VPS13C: variants seen among roughly 807,000 people sequenced by gnomAD.
VPS13C encodes vacuolar protein sorting 13 homolog C, also known as intermembrane lipid transfer protein VPS13C.
A neutral mutation model predicts 456.8 loss-of-function variants in VPS13C; 358 were observed. The observed-to-expected ratio is 0.78, with a 90% CI of 0.72 to 0.86. The LOEUF is 0.86. Among genes scored for constraint, VPS13C ranks in the 40% least tolerant of loss-of-function variants. The pLI is 0.00. For synonymous variants in VPS13C, 1,578 were observed against 1,486.7 expected (o/e 1.06, Z -1.41); for missense variants, 4,818 against 4,385.4 (o/e 1.10, Z -2.79).
In VPS13C at chr15:61,856,039, C is replaced by A. The variant is rs560303063; in HGVS notation, c.11076+247G>T. ...CCTATTTACTAATGCTTAATTCTAC[C>A]AAAAAGAAAATATCAGCATATGAGA... On this transcript the variant is annotated intron_variant, in intron 83 of 84. Transcript: ENST00000644861. 5.3e-4 allele frequency among the ~76,000 whole-genome samples: 81 copies of A among 151,668 alleles called. 1 individual carries two copies. In the South Asian group the frequency reaches 0.015, roughly 29 times the overall value.
At chr15:61,915,602 G>A in intron 61 of VPS13C, 31 bp downstream of exon 61, 3 of 1,537,316 alleles carry the variant, frequency 2.0e-6, no homozygotes, top group Non-Finnish European at 2.6e-6. Flanking sequence ...GAATTTATCT[G>A]CTTTAACTTA....
At chr15:61,928,971 A>C (rs566310021) in intron 51 of VPS13C, among the ~76,000 whole-genome samples, 1 of 152,274 alleles carries the variant, frequency 6.6e-6, no homozygotes, top group South Asian at 2.1e-4. Flanking sequence ...AAAATAAAGA[A>C]AATCACTGAT....
At chr15:61,895,166 A>C (rs779459480) in intron 66 of VPS13C, among the ~76,000 whole-genome samples, 1 of 152,194 alleles carries the variant, frequency 6.6e-6, no homozygotes, top group Non-Finnish European at 1.5e-5. Context: ...AAAACAAATG[A>C]AAATGGAAAC....
At chr15:62,059,596 G>T (rs191585534) in intron 1 of VPS13C, among the ~76,000 whole-genome samples, 148 of 152,336 alleles carry the variant, frequency 9.7e-4, no homozygotes, top group African/African-American at 3.4e-3. Context: ...GACGATGCTG[G>T]TCGAGGCTTG....
Position 62,007,386 on chromosome 15 carries a change from T to C in VPS13C, c.1212A>G (p.Leu404=). 1 of 1,613,180 alleles carries C rather than the reference T, an allele frequency of 6.2e-7. No homozygotes were observed. The highest frequency in any genetic ancestry group is 1.3e-5 in the African/African-American group (1 of 75,048). ...SWSNIKKHRQ[L]LKSYKIAYKN... ...TGTAGGCAATTTTATAACTCTTGAG[T>C]AACTGCCTGTGCTTTTTTATGTTAC... The change falls in exon 15 of 85, where the codon TTA becomes TTG. Residue 404 remains leucine (L), a synonymous_variant. Coordinates refer to ENST00000644861, the MANE Select transcript of VPS13C (RefSeq NM_020821.3).
chr15:61,871,768 T>C (rs538616536), intron 79 of VPS13C, among the ~76,000 whole-genome samples: 1 of 152,262 alleles, frequency 6.6e-6, no homozygotes, highest in African/African-American at 2.4e-5. Context: ...AGTTTATCTC[T>C]GGCCCTGCTA....
intron 31 of VPS13C, 122 bp from the exon 32 acceptor site, chr15:61,964,073 C>T (rs1162394743): frequency 1.8e-6 from 1 of 547,536 alleles, no homozygotes; most frequent in Non-Finnish European, 3.1e-6. Context: ...CATTCTCCAA[C>T]TCTTAAAGAT....
intron 8 of VPS13C, among the ~76,000 whole-genome samples, chr15:62,021,861 CCCTCAGTTG>C (rs1164762457): frequency 2.0e-5 from 3 of 151,814 alleles, no homozygotes; most frequent in African/African-American, 4.8e-5. Flanking sequence ...TTAAAGACAA[CCCTCAGTTG>C]CTAATGTACT....
chr15:61,879,026 T>C (rs1343470051), intron 73 of VPS13C, among the ~76,000 whole-genome samples: 1 of 152,084 alleles, frequency 6.6e-6, no homozygotes, highest in Admixed American at 6.6e-5. Flanking sequence ...CGACACACTT[T>C]ACAAAAATGG....
At chr15:61,998,190 C>A (rs535745269) in intron 16 of VPS13C, among the ~76,000 whole-genome samples, 24 of 152,280 alleles carry the variant, frequency 1.6e-4, no homozygotes, top group African/African-American at 4.8e-4. Flanking sequence ...CCTTAGATAT[C>A]TTTCTGGCTG....
At chr15:61,856,687 CTTTTTTTTTTTT>C (rs542779595) in intron 82 of VPS13C, 4 of 114,810 alleles carry the variant, frequency 3.5e-5, no homozygotes, top group African/African-American at 7.9e-5. Context: ...TTTTTCTTTT[CTTTTTTTTTTTT>C]TTTTTTTTTT....
At chr15:61,919,937 G>T (rs1178327130) in intron 57 of VPS13C, 130 bp downstream of exon 57, 3 of 889,526 alleles carry the variant, frequency 3.4e-6, no homozygotes, top group Admixed American at 3.1e-5. Context: ...GAAACAAGAG[G>T]TTAGCAATTA....
At chr15:61,872,132 C>CAAA in intron 78 of VPS13C, 98 bp from the exon 79 acceptor site, 1 of 920,568 alleles carries the variant, frequency 1.1e-6, no homozygotes, top group Non-Finnish European at 1.7e-6. Context: ...GAAATAACAA[C>CAAA]AACAACAACA....
At chr15:61,972,561 T>G in intron 27 of VPS13C, 64 bp downstream of exon 27, 9 of 1,564,680 alleles carry the variant, frequency 5.8e-6, no homozygotes, top group South Asian at 1.1e-5. Context: ...GGGTCTAGCT[T>G]GAGGATAGCT....
chr15:61,868,566 A>C (rs1462424192), intron 81 of VPS13C, 93 bp downstream of exon 81: 6 of 1,014,672 alleles, frequency 5.9e-6, no homozygotes, highest in Non-Finnish European at 9.0e-6. Flanking sequence ...AAGCAGTTCA[A>C]GAATCAGGAA....
intron 45 of VPS13C, among the ~76,000 whole-genome samples, chr15:61,944,278 T>C (rs2044530706): frequency 6.6e-6 from 1 of 152,110 alleles, no homozygotes; most frequent in African/African-American, 2.4e-5. Context: ...AGTAATCCCA[T>C]TACTGGGTAT....
chr15:61,931,583 T>C (rs937676360), intron 49 of VPS13C, among the ~76,000 whole-genome samples: 1 of 150,514 alleles, frequency 6.6e-6, no homozygotes, highest in South Asian at 2.1e-4. Context: ...TTTTTTCTTT[T>C]TTTTTTTTTT....
At chr15:61,967,591 A>T in intron 28 of VPS13C, 144 bp from the exon 29 acceptor site, 1 of 620,630 alleles carries the variant, frequency 1.6e-6, no homozygotes, top group Non-Finnish European at 2.7e-6. Flanking sequence ...TACAAAGGCC[A>T]TCACTGTTGA....
In VPS13C at chr15:61,962,441, T is replaced by C; in HGVS notation, c.3533A>G (p.Asp1178Gly). The C allele has an allele frequency of 3.7e-6, 6 of 1,611,736 alleles. No homozygotes were observed. The highest frequency in any genetic ancestry group is 5.1e-6 in the Non-Finnish European group (6 of 1,178,606). Residue 1178 changes from aspartate (D) to glycine (G), a missense_variant, in exon 34 of 85, where the codon GAT becomes GGT. Asp to Gly is a moderately conservative substitution (Grantham distance 94). Around this residue, in one of 3 missense-constraint regions of VPS13C, gnomAD observed 4,552 missense variants for 4,130.6 expected, o/e 1.10. Transcript: ENST00000644861. ...GDLYTDMSKVDGVLSLNVGCI... is the reference protein window; with the variant it reads ...GDLYTDMSKVGGVLSLNVGCI... ...GCCAACATTCAGAGACAGCACACCATCCACTTTGGACATGTCAGTATACAA... is the reference window on the plus strand; with the variant it reads ...GCCAACATTCAGAGACAGCACACCACCCACTTTGGACATGTCAGTATACAA...
Sources: gnomAD v4.1 joint callset for allele counts (sites outside exome capture counted in the v4.1 genomes callset) on GRCh38, gnomAD v4.1.1 for gene constraint, gnomAD v4.1.1 regional missense constraint, MANE v1.5 for transcripts, NCBI Gene and HGNC (gene_info 2026-07-23, HGNC 2026-07-21) for gene names.